KIRREL1: variants seen among roughly 807,000 people sequenced by gnomAD.
KIRREL1 encodes the protein kirre like nephrin family adhesion molecule 1.
In KIRREL1, 25 loss-of-function variants were observed where a neutral mutation model predicts 83.3. That is an observed-to-expected ratio of 0.30 (90% confidence interval 0.22 to 0.42). The LOEUF (loss-of-function observed/expected upper bound fraction) is 0.42, where lower values mean the gene tolerates loss of function less well. Ranked by LOEUF, KIRREL1 falls within the 10% of genes least tolerant of loss-of-function variation. The pLI is 1.00. For synonymous variants in KIRREL1, 388 were observed against 410.4 expected (o/e 0.95, Z 0.66); for missense variants, 812 against 1,032.3 (o/e 0.79, Z 2.92).
At chr1:158,008,776 A>G (rs1441289438) in intron 1 of KIRREL1, among the ~76,000 whole-genome samples, 1 of 152,170 alleles carries the variant, frequency 6.6e-6, no homozygotes, top group East Asian at 1.9e-4. Flanking sequence ...GAAGAAAACC[A>G]TGGCTCAGAG....
At chr1:158,059,072 C>T (rs1305195853) in intron 1 of KIRREL1, among the ~76,000 whole-genome samples, 1 of 152,134 alleles carries the variant, frequency 6.6e-6, no homozygotes, top group Non-Finnish European at 1.5e-5. Flanking sequence ...GCACCCTTCC[C>T]ACTGCATGTT....
intron 1 of KIRREL1, among the ~76,000 whole-genome samples, chr1:158,012,404 G>GAGAAC (rs1659712883): frequency 6.6e-6 from 1 of 152,076 alleles, no homozygotes; most frequent in Non-Finnish European, 1.5e-5. Context: ...CTCTTTGTAG[G>GAGAAC]AGAACAGTGG....
At position 158,093,768 on chromosome 1, in the gene KIRREL1, G is replaced by A. The variant is rs146063187; in HGVS notation, c.1719+6G>A. The A allele has an allele frequency of 3.7e-6, 6 of 1,613,978 alleles. No individual in the cohort carries two copies. Among genetic ancestry groups the A allele is most frequent in the Middle Eastern group, 1.7e-4 (1 of 6,060 alleles). On this transcript the variant is annotated splice_donor_region_variant and intron_variant, in intron 13 of 14. Coordinates refer to ENST00000359209, the MANE Select transcript of KIRREL1 (RefSeq NM_018240.7). ...TCATGAAGGCCATCTACTCGGTGAG[G>A]GTCCTGCTCCTCTCTGGCCTCCTGC...
chr1:158,036,386 C>T (rs149504375), intron 1 of KIRREL1, among the ~76,000 whole-genome samples: 23 of 152,224 alleles, frequency 1.5e-4, no homozygotes, highest in Admixed American at 1.4e-3. Flanking sequence ...GCTAAACTAA[C>T]GTGGAGAATA....
At chr1:158,032,303 G>T (rs2101673012) in intron 1 of KIRREL1, among the ~76,000 whole-genome samples, 1 of 152,270 alleles carries the variant, frequency 6.6e-6, no homozygotes, top group South Asian at 2.1e-4. Flanking sequence ...GGCCTGTCTG[G>T]CTGAAGCAGG....
In KIRREL1 at chr1:158,086,759, G is replaced by A. The variant is rs41273463; in HGVS notation, c.661+13G>A. ...CTGGATGTGCACCGTGAGTGGGCTGGGGGGAGCAGTCTGGAGCAGGGGGGT... is the reference window on the plus strand; with the variant it reads ...CTGGATGTGCACCGTGAGTGGGCTGAGGGGAGCAGTCTGGAGCAGGGGGGT... On this transcript the variant is annotated intron_variant, in intron 5 of 14. Transcript: ENST00000359209. 1 of 1,550,286 alleles carries A rather than the reference G, an allele frequency of 6.5e-7. No homozygotes were observed. Among genetic ancestry groups the A allele is most frequent in the Admixed American group, 2.0e-5 (1 of 50,974 alleles).
intron 1 of KIRREL1, among the ~76,000 whole-genome samples, chr1:158,069,661 G>T (rs938208922): frequency 6.6e-6 from 1 of 152,158 alleles, no homozygotes; most frequent in Non-Finnish European, 1.5e-5. Flanking sequence ...GAGCTGGGAG[G>T]TTCCAAGAGA....
intron 1 of KIRREL1, among the ~76,000 whole-genome samples, chr1:158,001,383 A>G (rs1173424035): frequency 1.3e-5 from 2 of 152,186 alleles, no homozygotes; most frequent in Non-Finnish European, 2.9e-5. Context: ...TTATTTTTTT[A>G]ATCATCAACT....
At position 158,093,676 on chromosome 1, in the gene KIRREL1, C is replaced by T. The variant is rs777389813; in HGVS notation, c.1633C>T (p.Arg545Ter). Reference sequence around the variant, plus strand: ...GGATATCAAGGTGGAGACAGTGAACCGAGAGCCACTTACGATGCATTCTGA... The same window carrying T: ...GGATATCAAGGTGGAGACAGTGAACTGAGAGCCACTTACGATGCATTCTGA... Reference protein sequence around the residue: ...KLDIKVETVNREPLTMHSDRE... With the variant: ...KLDIKVETVN The change falls in exon 13 of 15, where the codon CGA (arginine) becomes TGA (stop). Residue 545 changes from arginine to a stop codon, truncating the protein, a stop_gained. Coordinates refer to ENST00000359209, the MANE Select transcript of KIRREL1 (RefSeq NM_018240.7). LOFTEE classifies it high-confidence loss of function. The T allele has an allele frequency of 2.5e-6, 4 of 1,614,052 alleles. No individual in the cohort carries two copies. The highest frequency in any genetic ancestry group is 1.3e-5 in the African/African-American group (1 of 74,922).
Position 158,095,074 on chromosome 1 carries a change from C to T in KIRREL1, c.2228C>T (p.Ser743Leu), listed in dbSNP as rs141015499. The T allele has an allele frequency of 2.5e-5, 40 of 1,610,940 alleles. No homozygotes were observed. The highest frequency in any genetic ancestry group is 1.7e-4 in the African/African-American group (13 of 75,032). ...CGATTCTCCTACACCTCCCAGCACT[C>T]GGACTACGGCCAGCGATTCCAGCAG... is the stretch of plus-strand genomic sequence containing the variant. ...ATRFSYTSQH[S>L]DYGQRFQQRM... The change falls in exon 15 of 15, where the codon TCG becomes TTG. Residue 743 changes from serine (S) to leucine (L), a missense_variant. Transcript: ENST00000359209.
At chr1:158,014,876 G>A (rs1364350446) in intron 1 of KIRREL1, among the ~76,000 whole-genome samples, 1 of 152,064 alleles carries the variant, frequency 6.6e-6, no homozygotes, top group African/African-American at 2.4e-5. Context: ...TTCCTCGGAA[G>A]GGGAGGTGCG....
chr1:158,048,969 T>C (rs1434506654), intron 1 of KIRREL1, among the ~76,000 whole-genome samples: 1 of 152,060 alleles, frequency 6.6e-6, no homozygotes, highest in East Asian at 1.9e-4. Context: ...CAAACTGAGC[T>C]CAGAGAGTCC....
chr1:158,092,537 C>T (rs180858739), intron 11 of KIRREL1, among the ~76,000 whole-genome samples: 14 of 152,010 alleles, frequency 9.2e-5, no homozygotes, highest in Middle Eastern at 6.8e-3. Flanking sequence ...TTAGTGGAGA[C>T]GGGTTTTCAC....
intron 1 of KIRREL1, among the ~76,000 whole-genome samples, chr1:158,007,067 T>G (rs1659538806): frequency 6.6e-6 from 1 of 152,134 alleles, no homozygotes; most frequent in Non-Finnish European, 1.5e-5. Flanking sequence ...GGCATTTTCC[T>G]GGGATACTGA....
chr1:158,089,881 C>T, intron 10 of KIRREL1, 63 bp downstream of exon 10: 1 of 1,407,588 alleles, frequency 7.1e-7, no homozygotes, highest in Non-Finnish European at 1.0e-6. Context: ...GGCCCAGCCT[C>T]CTCTCACTTC....
intron 3 of KIRREL1, among the ~76,000 whole-genome samples, chr1:158,081,336 T>C (rs531777845): frequency 5.3e-5 from 8 of 152,342 alleles, no homozygotes; most frequent in African/African-American, 1.9e-4. Flanking sequence ...GAAATATACT[T>C]TGTGGTAGGG....
intron 1 of KIRREL1, among the ~76,000 whole-genome samples, chr1:158,060,111 A>C (rs1284518860): frequency 6.6e-6 from 1 of 152,070 alleles, no homozygotes; most frequent in African/African-American, 2.4e-5. Flanking sequence ...GACTTACTGG[A>C]ATCCGTTTAA....
At chr1:158,072,464 G>C (rs1228885097) in intron 1 of KIRREL1, among the ~76,000 whole-genome samples, 1 of 152,176 alleles carries the variant, frequency 6.6e-6, no homozygotes, top group Non-Finnish European at 1.5e-5. Flanking sequence ...AGCAGGGATG[G>C]GGTGGCCAGT....
chr1:158,073,722 C>T (rs554771513), intron 1 of KIRREL1, among the ~76,000 whole-genome samples: 16 of 152,266 alleles, frequency 1.1e-4, no homozygotes, highest in African/African-American at 3.9e-4. Context: ...ATTGACACAC[C>T]CAAGGTCACA....
Sources: allele counts gnomAD v4.1 joint callset (sites outside exome capture counted in the v4.1 genomes callset), GRCh38; gene constraint gnomAD v4.1.1; transcripts MANE v1.5; gene names NCBI Gene and HGNC (gene_info 2026-07-23, HGNC 2026-07-21).